The following BACH2 variants were observed in gnomAD, a reference collection of about 807,000 sequenced individuals.
BACH2 encodes the protein transcription regulator protein BACH2.
Under a neutral mutation model 61.8 loss-of-function variants are expected in BACH2, and 5 were observed. The observed-to-expected ratio is 0.08, with a 90% confidence interval of 0.04 to 0.17. BACH2 has a LOEUF of 0.17. Among genes scored for constraint, BACH2 ranks in the 10% least tolerant of loss-of-function variants. The pLI is 1.00. For synonymous variants in BACH2, 446 were observed against 440.1 expected, an observed-to-expected ratio of 1.01 and a Z score of -0.17; for missense variants, 824 against 1,091.1, an observed-to-expected ratio of 0.76 and a Z score of 3.45.
At chr6:90,065,915 A>G (rs2127800118) in intron 5 of BACH2, among the ~76,000 whole-genome samples, 1 of 152,354 alleles carries the variant, frequency 6.6e-6, no homozygotes. Context: ...AATTAGAATT[A>G]TAAGGATTTA....
chr6:89,986,056 C>A (rs1014515232), intron 6 of BACH2, among the ~76,000 whole-genome samples: 2 of 152,136 alleles, frequency 1.3e-5, no homozygotes, highest in African/African-American at 4.8e-5. Flanking sequence ...CTGAGAAAGG[C>A]AGAGACCAGA....
At chr6:89,940,593 A>T (rs942995430) in intron 7 of BACH2, among the ~76,000 whole-genome samples, 5 of 152,320 alleles carry the variant, frequency 3.3e-5, no homozygotes, top group Middle Eastern at 3.4e-3. Flanking sequence ...AGATTGCTTC[A>T]TTCTTGTTTA....
At chr6:89,975,599 T>C (rs934665510) in intron 6 of BACH2, among the ~76,000 whole-genome samples, 1 of 152,238 alleles carries the variant, frequency 6.6e-6, no homozygotes, top group Non-Finnish European at 1.5e-5. Context: ...TGTCTGGTAA[T>C]GTACTTCTTC....
chr6:90,069,109 C>T (rs1781103347), intron 5 of BACH2, among the ~76,000 whole-genome samples: 1 of 152,168 alleles, frequency 6.6e-6, no homozygotes, highest in Non-Finnish European at 1.5e-5. Context: ...GAATGAGCCA[C>T]AGTTCCTGAT....
chr6:90,077,607 G>C (rs1003697135), intron 5 of BACH2, among the ~76,000 whole-genome samples: 6 of 152,090 alleles, frequency 3.9e-5, no homozygotes, highest in Non-Finnish European at 1.5e-5. Context: ...TCTGGGACAG[G>C]GATGGTAGGA....
At chr6:90,177,983 C>T (rs1461148834) in intron 4 of BACH2, among the ~76,000 whole-genome samples, 1 of 152,162 alleles carries the variant, frequency 6.6e-6, no homozygotes, top group Non-Finnish European at 1.5e-5. Flanking sequence ...GTTCTCAGCA[C>T]AGAGCAGGTA....
At chr6:90,060,213 C>A (rs1206974589) in intron 5 of BACH2, among the ~76,000 whole-genome samples, 2 of 151,704 alleles carry the variant, frequency 1.3e-5, no homozygotes, top group African/African-American at 4.8e-5. Flanking sequence ...AAATTCTGAG[C>A]CACAATCTCT....
intron 4 of BACH2, among the ~76,000 whole-genome samples, chr6:90,091,402 C>T (rs1782152189): frequency 6.6e-6 from 1 of 152,106 alleles, no homozygotes; most frequent in African/African-American, 2.4e-5. Flanking sequence ...CATGAAGACA[C>T]AGATAAAATA....
At chr6:90,076,536 G>C (rs1318314259) in intron 5 of BACH2, among the ~76,000 whole-genome samples, 1 of 152,176 alleles carries the variant, frequency 6.6e-6, no homozygotes, top group Non-Finnish European at 1.5e-5. Flanking sequence ...ATGGAAACTA[G>C]TGAATTCCAT....
chr6:89,958,509 A>G (rs951797634), intron 6 of BACH2, among the ~76,000 whole-genome samples: 2 of 152,270 alleles, frequency 1.3e-5, no homozygotes, highest in East Asian at 3.8e-4. Flanking sequence ...CCTTTGGAAC[A>G]GGACCTGGCA....
At chr6:90,022,167 A>T (rs1039138636) in intron 5 of BACH2, among the ~76,000 whole-genome samples, 4 of 152,124 alleles carry the variant, frequency 2.6e-5, no homozygotes, top group African/African-American at 9.7e-5. Flanking sequence ...TTTTTTGCTA[A>T]TTTTTGTTAT....
chr6:90,230,626 T>C (rs1205562845), intron 3 of BACH2, among the ~76,000 whole-genome samples: 1 of 152,188 alleles, frequency 6.6e-6, no homozygotes. Context: ...TCTCTTTCTT[T>C]TAATTATTAA....
intron 5 of BACH2, among the ~76,000 whole-genome samples, chr6:90,080,338 C>A (rs368543472): frequency 1.3e-5 from 2 of 152,006 alleles, no homozygotes; most frequent in East Asian, 3.9e-4. Flanking sequence ...CTTGCTATCC[C>A]TTTCCTTCTG....
chr6:89,979,768 C>T (rs1362397961), intron 6 of BACH2, among the ~76,000 whole-genome samples: 1 of 152,236 alleles, frequency 6.6e-6, no homozygotes, highest in Non-Finnish European at 1.5e-5. Flanking sequence ...AACCATTACT[C>T]ATAACCTGTT....
chr6:90,269,068 C>T lies in BACH2; in HGVS notation c.-353+2781G>A, dbSNP rs117924496. Among the ~76,000 whole-genome samples the T allele has an allele frequency of 1.1e-3, 172 of 152,290 alleles. 6 individuals are homozygous for T. The East Asian group carries it at 0.032, about 28-fold the overall frequency. On this transcript the variant is annotated intron_variant, in intron 2 of 8. Transcript: ENST00000257749. Reference sequence around the variant, plus strand: ...GTTCAGCCAGACACTTTAACTTTTGCTGAACAAAATTAACTTCATTTTCAT... The same window carrying T: ...GTTCAGCCAGACACTTTAACTTTTGTTGAACAAAATTAACTTCATTTTCAT...
At chr6:90,024,602 T>C (rs1268178630) in intron 5 of BACH2, among the ~76,000 whole-genome samples, 2 of 152,218 alleles carry the variant, frequency 1.3e-5, no homozygotes, top group African/African-American at 4.8e-5. Flanking sequence ...TATGAAAGTA[T>C]AGGAACTTTA....
chr6:89,977,918 G>T (rs931329302), intron 6 of BACH2, among the ~76,000 whole-genome samples: 2 of 152,194 alleles, frequency 1.3e-5, no homozygotes, highest in Non-Finnish European at 2.9e-5. Flanking sequence ...CTGAGCGTAC[G>T]CTGGATCTAT....
intron 6 of BACH2, among the ~76,000 whole-genome samples, chr6:89,994,694 A>G (rs1376544541): frequency 6.6e-6 from 1 of 152,142 alleles, no homozygotes; most frequent in East Asian, 1.9e-4. Flanking sequence ...CATACTACAG[A>G]GTTTCATTGT....
intron 4 of BACH2, among the ~76,000 whole-genome samples, chr6:90,099,003 T>C (rs1782501544): frequency 6.6e-6 from 1 of 152,240 alleles, no homozygotes; most frequent in Non-Finnish European, 1.5e-5. Context: ...TCTGTCTTCC[T>C]GTCACTTTCC....
Sources: gnomAD v4.1 joint callset for allele counts (sites outside exome capture counted in the v4.1 genomes callset) on GRCh38, gnomAD v4.1.1 for gene constraint, MANE v1.5 for transcripts, NCBI Gene and HGNC (gene_info 2026-07-23, HGNC 2026-07-21) for gene names.